The following TENM3 variants were observed in gnomAD, a reference collection of about 807,000 sequenced individuals.
TENM3 encodes teneurin-3.
A neutral mutation model predicts 255.1 loss-of-function variants in TENM3; 63 were observed. The observed-to-expected ratio is 0.25, with a 90% CI of 0.20 to 0.30. The LOEUF is 0.30. Among genes scored for constraint, TENM3 ranks in the 10% least tolerant of loss-of-function variants. TENM3 has a pLI of 1.00. For missense variants in TENM3, 2,929 were observed against 3,461.1 expected, an observed-to-expected ratio of 0.85 and a Z score of 3.86; for synonymous variants, 1,306 against 1,322.3, an observed-to-expected ratio of 0.99 and a Z score of 0.27.
chr4:182,249,956 A>T (rs189530254), intron 1 of TENM3, among the ~76,000 whole-genome samples: 3 of 149,896 alleles, frequency 2.0e-5, no homozygotes, highest in African/African-American at 7.4e-5. Flanking sequence ...GAGTCTCGCT[A>T]TGTTGTCTAG....
At chr4:182,237,340 G>T (rs1175020855) in intron 1 of TENM3, among the ~76,000 whole-genome samples, 1 of 150,874 alleles carries the variant, frequency 6.6e-6, no homozygotes, top group African/African-American at 2.4e-5. Context: ...ATAACAGAAT[G>T]ATTTATATTC....
At chr4:182,056,559 T>C in the TENM3 span, among the ~76,000 whole-genome samples, 1 of 152,116 alleles carries the variant, frequency 6.6e-6, no homozygotes, top group Non-Finnish European at 1.5e-5. Flanking sequence ...AAACCACCTT[T>C]AAAAAGACTG....
chr4:181,878,794 CCTGT>C, the TENM3 span, among the ~76,000 whole-genome samples: 9 of 152,062 alleles, frequency 5.9e-5, no homozygotes, highest in African/African-American at 1.2e-4. Flanking sequence ...TGCCTACCTA[CCTGT>C]CTATCTACCT....
At chr4:182,424,284 A>G (rs1378983310) in intron 3 of TENM3, among the ~76,000 whole-genome samples, 1 of 152,172 alleles carries the variant, frequency 6.6e-6, no homozygotes, top group Non-Finnish European at 1.5e-5. Context: ...AAAAATATAA[A>G]TGTAATGTTT....
chr4:182,192,656 T>G (rs1266579990), intron 1 of TENM3, among the ~76,000 whole-genome samples: 2 of 152,206 alleles, frequency 1.3e-5, no homozygotes, highest in Non-Finnish European at 2.9e-5. Context: ...CTTTGCAGTG[T>G]GGTTTCCATT....
the TENM3 span, among the ~76,000 whole-genome samples, chr4:182,019,277 C>G: frequency 6.6e-6 from 1 of 152,198 alleles, no homozygotes; most frequent in Admixed American, 6.5e-5. Context: ...ATCAAGCCCC[C>G]TCTGAGTCAT....
intron 1 of TENM3, among the ~76,000 whole-genome samples, chr4:182,182,003 T>C (rs188667263): frequency 6.6e-6 from 1 of 152,252 alleles, no homozygotes; most frequent in East Asian, 1.9e-4. Flanking sequence ...ATGTTCAGGA[T>C]AGAAACAGTT....
At chr4:182,449,316 T>C (rs1486684154) in intron 3 of TENM3, among the ~76,000 whole-genome samples, 1 of 150,484 alleles carries the variant, frequency 6.6e-6, no homozygotes, top group East Asian at 2.0e-4. Flanking sequence ...GCATCTGAGA[T>C]GAGGTGGCTT....
At chr4:182,596,882 A>G (rs1747295419) in intron 3 of TENM3, among the ~76,000 whole-genome samples, 1 of 152,160 alleles carries the variant, frequency 6.6e-6, no homozygotes, top group African/African-American at 2.4e-5. Context: ...AACTCACTCA[A>G]AGTCATTATA....
At chr4:182,139,425 C>T (rs1296672099), upstream of TENM3, among the ~76,000 whole-genome samples, 2 of 152,154 alleles carry the variant, frequency 1.3e-5, no homozygotes, top group African/African-American at 4.8e-5. Context: ...TACAAGTTAA[C>T]ATATAAGCTG....
chr4:182,658,744 C>T (rs1753971255), intron 6 of TENM3, among the ~76,000 whole-genome samples: 2 of 152,198 alleles, frequency 1.3e-5, no homozygotes, highest in African/African-American at 4.8e-5. Flanking sequence ...ACTGCGATTG[C>T]TTTCAGATGT....
chr4:182,523,950 T>A (rs941522468), intron 3 of TENM3, among the ~76,000 whole-genome samples: 1 of 152,192 alleles, frequency 6.6e-6, no homozygotes, highest in Non-Finnish European at 1.5e-5. Flanking sequence ...ATATGTATCA[T>A]AACATACTAC....
chr4:181,829,475 GA>G, the TENM3 span, among the ~76,000 whole-genome samples: 1 of 152,176 alleles, frequency 6.6e-6, no homozygotes, highest in African/African-American at 2.4e-5. Context: ...GTTTGGTCCT[GA>G]ACTTCATATG....
chr4:181,714,499 C>A, the TENM3 span, among the ~76,000 whole-genome samples: 1 of 152,150 alleles, frequency 6.6e-6, no homozygotes, highest in African/African-American at 2.4e-5. Context: ...ACTGGAGGAA[C>A]AGATGACTCA....
In TENM3 at chr4:182,267,757, G is replaced by A. The variant is rs891480110; in HGVS notation, c.-76+24281G>A. On this transcript the variant is annotated intron_variant, in intron 1 of 27. Transcript: ENST00000511685. ...CTTATGTGAAAAATAATTATTTCTTGCTACACTTTATACAAGTAATCATCC... is the reference window on the plus strand; with the variant it reads ...CTTATGTGAAAAATAATTATTTCTTACTACACTTTATACAAGTAATCATCC... Among the ~76,000 whole-genome samples, 3 of 150,566 alleles carry A rather than the reference G, an allele frequency of 2.0e-5. No individual in the cohort carries two copies. The South Asian group carries it at 6.3e-4, about 32-fold the overall frequency.
intron 1 of TENM3, among the ~76,000 whole-genome samples, chr4:182,229,649 C>CACAT (rs1554035305): frequency 1.3e-5 from 2 of 151,652 alleles, no homozygotes; most frequent in Non-Finnish European, 2.9e-5. Context: ...CACACACACA[C>CACAT]ATATATGTAT....
the TENM3 span, among the ~76,000 whole-genome samples, chr4:181,726,243 G>T: frequency 6.6e-6 from 1 of 151,996 alleles, no homozygotes; most frequent in Non-Finnish European, 1.5e-5. Flanking sequence ...CCTACTATAT[G>T]CTAAATGAGG....
chr4:181,857,313 A>G, the TENM3 span, among the ~76,000 whole-genome samples: 1 of 145,742 alleles, frequency 6.9e-6, no homozygotes, highest in Non-Finnish European at 1.5e-5. Flanking sequence ...ACAAAGACAG[A>G]CGTCAGAGGG....
At chr4:182,101,092 G>A in the TENM3 span, among the ~76,000 whole-genome samples, 11 of 33,202 alleles carry the variant, frequency 3.3e-4, 1 homozygote, top group African/African-American at 5.8e-4. Context: ...GGGAGGGAGG[G>A]AGGGAGGGAG....
Sources: gnomAD v4.1 joint callset for allele counts (sites outside exome capture counted in the v4.1 genomes callset) on GRCh38, gnomAD v4.1.1 for gene constraint, MANE v1.5 for transcripts, NCBI Gene and HGNC (gene_info 2026-07-23, HGNC 2026-07-21) for gene names.